SEC14L3: variants seen among roughly 807,000 people sequenced by gnomAD.
SEC14L3 encodes SEC14-like protein 3.
In SEC14L3, 56 loss-of-function variants were observed where a neutral mutation model predicts 57.4. The ratio of observed to expected loss-of-function variants is 0.97; its 90% CI spans 0.79 to 1.22. SEC14L3 has a LOEUF of 1.22. SEC14L3 is among the 50% of genes most tolerant of loss of function. The pLI is 0.00. For missense variants in SEC14L3, 485 were observed against 511.7 expected (o/e 0.95, Z 0.50); for synonymous variants, 173 against 194.4 (o/e 0.89, Z 0.92).
chr22:30,465,940 G>A (rs1324297612), intron 7 of SEC14L3, among the ~76,000 whole-genome samples: 1 of 152,216 alleles, frequency 6.6e-6, no homozygotes, highest in Non-Finnish European at 1.5e-5. Context: ...GAGAATCACA[G>A]CCCCTGGCTT....
At chr22:30,466,509 GC>G (rs1935421811) in intron 6 of SEC14L3, 115 bp from the exon 7 acceptor site, 1 of 1,384,880 alleles carries the variant, frequency 7.2e-7, no homozygotes, top group African/African-American at 1.4e-5. Context: ...TTCCCTTCAT[GC>G]CATCACCTCC....
rs765999138 is a variant in SEC14L3, at chr22:30,470,596, T to C, written c.55-14A>G. On this transcript the variant is annotated splice_polypyrimidine_tract_variant and intron_variant, in intron 1 of 11. Coordinates refer to ENST00000215812, the MANE Select transcript of SEC14L3 (RefSeq NM_174975.5). ...GTTTTCTCGGAACTGGCAAGAGAGA[T>C]GCTGGTTAAAGTGGCTCTCTCACAT... 1.8e-5 allele frequency: 29 copies of C among 1,613,998 alleles called. No individual in the cohort carries two copies. In the South Asian group the frequency reaches 2.6e-4, roughly 15 times the overall value.
At chr22:30,454,533 TATA>T (rs371975171), downstream of SEC14L3, among the ~76,000 whole-genome samples, 2,255 of 24,056 alleles carry the variant, frequency 0.094, 130 homozygotes, top group South Asian at 0.2. Context: ...ATATATAATC[TATA>T]ATAATATTAT....
intron 5 of SEC14L3, among the ~76,000 whole-genome samples, chr22:30,467,867 A>G (rs1935471518): frequency 1.3e-5 from 2 of 152,242 alleles, no homozygotes; most frequent in Non-Finnish European, 2.9e-5. Context: ...TCACTTTTGC[A>G]ACCATTATTT....
At chr22:30,448,931 TC>T (rs1452900795) in exon 13 of SEC14L3, 1 of 652,122 alleles carries the variant, frequency 1.5e-6, no homozygotes, top group African/African-American at 1.8e-5. Flanking sequence ...TTCTTTCCCT[TC>T]CTTGGTCTGC....
rs1322104335 is a variant in SEC14L3 at position 30,461,627 on chromosome 22, T to G, written c.839A>C (p.His280Pro). The G allele has an allele frequency of 6.2e-7, 1 of 1,613,974 alleles. No homozygotes were observed. The highest frequency in any genetic ancestry group is 8.5e-7 in the Non-Finnish European group (1 of 1,179,984). Residue 280 changes from histidine (H) to proline (P), a missense_variant, in exon 10 of 12, where the codon CAC becomes CCC. Physicochemically the swap from His to Pro is moderately conservative, Grantham distance 77. Coordinates refer to ENST00000215812, the MANE Select transcript of SEC14L3 (RefSeq NM_174975.5). ...TGAGCCGCGGTTGATCTGCACCGAG[T>G]GCTCGTACTGAGTCTTCACCTGGTC... ...VRDQVKTQYE[H>P]SVQINRGSSH...
intron 11 of SEC14L3, among the ~76,000 whole-genome samples, chr22:30,460,825 T>C (rs1289996431): frequency 2.2e-5 from 2 of 89,154 alleles, no homozygotes; most frequent in African/African-American, 1.1e-4. Flanking sequence ...TGAAACTCTG[T>C]CTCAAAAAAA....
downstream of SEC14L3, among the ~76,000 whole-genome samples, chr22:30,454,769 T>G (rs1935063111): frequency 1.2e-5 from 1 of 80,774 alleles, no homozygotes; most frequent in South Asian, 3.8e-4. Flanking sequence ...ATATAATATA[T>G]AATATATTAT....
chr22:30,469,036 G>T (rs901679924), intron 4 of SEC14L3: 5 of 1,232,626 alleles, frequency 4.1e-6, no homozygotes, highest in South Asian at 1.9e-5. Context: ...AACAGACACT[G>T]GCTGGGCATG....
At chr22:30,454,499 T>TATATAATCTATAATATTATTAG (rs1569224878), downstream of SEC14L3, among the ~76,000 whole-genome samples, 611 of 83,032 alleles carry the variant, frequency 7.4e-3, 8 homozygotes, top group Non-Finnish European at 0.012. Flanking sequence ...AATATTATTA[T>TATATAATCTATAATATTATTAG]ATATAATCTA....
At chr22:30,451,991 C>CAAAAAAAAAAAAAAAAAAAAAAAAAAA (rs34799395) in intron 12 of SEC14L3, among the ~76,000 whole-genome samples, 5 of 33,810 alleles carry the variant, frequency 1.5e-4, no homozygotes, top group Non-Finnish European at 1.9e-4. Flanking sequence ...GACTCCATCT[C>CAAAAAAAAAAAAAAAAAAAAAAAAAAA]AAAAAAAAAA....
chr22:30,454,623 CTA>C (rs1491571954), downstream of SEC14L3, among the ~76,000 whole-genome samples: 1 of 106,514 alleles, frequency 9.4e-6, no homozygotes, highest in East Asian at 2.5e-4. Context: ...TAGATATAAT[CTA>C]TAATATTATT....
At position 30,467,009 on chromosome 22, in the gene SEC14L3, C is replaced by A. The variant is rs570127053; in HGVS notation, c.492G>T (p.Trp164Cys). The change falls in exon 6 of 12, where the codon TGG becomes TGT. Residue 164 changes from tryptophan (W) to cysteine (C), a missense_variant. By Grantham distance (215) the Trp-to-Cys change is radical. Coordinates refer to ENST00000215812, the MANE Select transcript of SEC14L3 (RefSeq NM_174975.5). ...DCEGLGLKHF[W>C]KPLVEVYQEF... ...CCTGGTACACTTCTACCAGAGGTTT[C>A]CAGAAGTGTTTCAGTCCCAGGCCCT... 3 of 1,614,032 alleles carry A rather than the reference C, an allele frequency of 1.9e-6. No individual in the cohort carries two copies. The highest frequency in any genetic ancestry group is 2.7e-5 in the African/African-American group (2 of 75,004).
chr22:30,467,791 G>C (rs1052603073), intron 5 of SEC14L3, among the ~76,000 whole-genome samples: 2 of 152,188 alleles, frequency 1.3e-5, no homozygotes, highest in African/African-American at 2.4e-5. Context: ...AATAGCAATA[G>C]CTACCATTGT....
At chr22:30,460,206 G>T in intron 11 of SEC14L3, 64 bp from the exon 12 acceptor site, 2 of 1,585,270 alleles carry the variant, frequency 1.3e-6, no homozygotes, top group South Asian at 1.1e-5. Context: ...TCCACCCCTG[G>T]CCATGGAGGA....
At chr22:30,464,928 TG>T (rs1040645798) in intron 7 of SEC14L3, 25 bp from the exon 8 acceptor site, 1 of 1,613,560 alleles carries the variant, frequency 6.2e-7, no homozygotes, top group African/African-American at 1.3e-5. Context: ...GTAAGGATAA[TG>T]GGAAGAAAAG....
chr22:30,453,297 G>C (rs550602722), intron 12 of SEC14L3, among the ~76,000 whole-genome samples: 3 of 152,322 alleles, frequency 2.0e-5, no homozygotes, highest in Non-Finnish European at 4.4e-5. Flanking sequence ...TTTTGCATTT[G>C]TGATGGCACA....
In SEC14L3 at chr22:30,461,607, C is replaced by G; in HGVS notation, c.859G>C (p.Gly287Arg). ...QYEHSVQINR[G>R]SSHQVEYEIL... ...TCGTATTCCACTTGGTGTGATGAGC[C>G]GCGGTTGATCTGCACCGAGTGCTCG... Residue 287 changes from glycine (G) to arginine (R), a missense_variant, in exon 10 of 12, where the codon GGC becomes CGC. Physicochemically the swap from Gly to Arg is moderately radical, Grantham distance 125 (BLOSUM62 -2). Transcript: ENST00000215812. The G allele has an allele frequency of 6.2e-7, 1 of 1,614,020 alleles. No individual in the cohort carries two copies. The highest frequency in any genetic ancestry group is 8.5e-7 in the Non-Finnish European group (1 of 1,180,026).
downstream of SEC14L3, among the ~76,000 whole-genome samples, chr22:30,457,155 A>G (rs1006272348): frequency 2.0e-5 from 3 of 151,894 alleles, no homozygotes; most frequent in Non-Finnish European, 4.4e-5. Context: ...TGCATCACCC[A>G]CACTAAGCCA....
Sources: allele counts gnomAD v4.1 joint callset (sites outside exome capture counted in the v4.1 genomes callset), GRCh38; gene constraint gnomAD v4.1.1; transcripts MANE v1.5; gene names NCBI Gene and HGNC (gene_info 2026-07-23, HGNC 2026-07-21).